Variants in NFIC observed in about 807,000 individuals in gnomAD.
NFIC encodes nuclear factor 1 C-type.
NFIC carries 12 observed loss-of-function variants against 54.4 expected under a neutral mutation model. That is an observed-to-expected ratio of 0.22 (90% CI 0.14 to 0.36). The LOEUF is 0.36. NFIC is among the 10% of genes least tolerant of loss of function. NFIC has a pLI of 1.00. For synonymous variants in NFIC, 322 were observed against 319.2 expected (o/e 1.01, Z -0.09); for missense variants, 575 against 718.2 (o/e 0.80, Z 2.28).
intron 2 of NFIC, among the ~76,000 whole-genome samples, chr19:3,423,379 T>G (rs1274126624): frequency 6.6e-6 from 1 of 152,112 alleles, no homozygotes; most frequent in Non-Finnish European, 1.5e-5. Flanking sequence ...CTCAGGACAG[T>G]TAGGCGACTT....
intron 3 of NFIC, among the ~76,000 whole-genome samples, chr19:3,429,913 C>CGG (rs1298053093): frequency 6.6e-6 from 1 of 152,188 alleles, no homozygotes; most frequent in Non-Finnish European, 1.5e-5. Context: ...CCAACAGTCA[C>CGG]GGGGCGGTTG....
chr19:3,405,598 T>A (rs9749590), intron 2 of NFIC, among the ~76,000 whole-genome samples: 17,411 of 151,942 alleles, frequency 0.11, 1,203 homozygotes, highest in African/African-American at 0.18. Context: ...TTAATTTATT[T>A]ATTTATTTAT....
At chr19:3,432,130 C>T (rs973068463) in intron 3 of NFIC, among the ~76,000 whole-genome samples, 6 of 152,174 alleles carry the variant, frequency 3.9e-5, no homozygotes, top group African/African-American at 1.4e-4. Context: ...GAGGGCAGGA[C>T]AGGGCTGTCC....
chr19:3,420,882 CCAGCTAATTTT>C (rs2081943967), intron 2 of NFIC, among the ~76,000 whole-genome samples: 1 of 152,094 alleles, frequency 6.6e-6, no homozygotes, highest in African/African-American at 2.4e-5. Flanking sequence ...ACCACCACGC[CCAGCTAATTTT>C]TGTATTTTTA....
intron 6 of NFIC, among the ~76,000 whole-genome samples, chr19:3,439,937 C>G (rs1777240790): frequency 6.6e-6 from 1 of 152,140 alleles, no homozygotes; most frequent in African/African-American, 2.4e-5. Context: ...ATCTGCCCGC[C>G]TCGGCCTCCC....
chr19:3,378,720 C>G (rs555228115), intron 1 of NFIC, among the ~76,000 whole-genome samples: 1 of 152,180 alleles, frequency 6.6e-6, no homozygotes, highest in African/African-American at 2.4e-5. Flanking sequence ...TCCCAGCCCT[C>G]GGATTTTCCA....
In NFIC at chr19:3,459,272, C is replaced by T. The variant is rs1010322426; in HGVS notation, c.1509+2637C>T. On this transcript the variant is annotated intron_variant, in intron 10 of 10. Coordinates refer to ENST00000443272, the MANE Select transcript of NFIC (RefSeq NM_001245002.2). This position sits in a 1 kb window ranked among gnomAD's most constrained non-coding sequence, Gnocchi z 4.2. ...CTCTCCCCCCATCAATATCCCTCCC[C>T]GTGATCTATGCTAATTGATCTCGCC... Among the ~76,000 whole-genome samples the T allele has an allele frequency of 5.9e-5, 9 of 151,426 alleles. No homozygotes were observed. The highest frequency in any genetic ancestry group is 1.3e-4 in the Non-Finnish European group (9 of 67,822).
rs56081730 is a variant in NFIC at position 3,370,696 on chromosome 19, G to GTCTC, written c.30+4032_30+4035dup. Among the ~76,000 whole-genome samples the GTCTC allele has an allele frequency of 0.81, 121,847 of 150,114 alleles. 49,456 individuals are homozygous for GTCTC. The highest frequency in any genetic ancestry group is 0.83 in the Admixed American group (12,554 of 15,094). The stretch of plus-strand genomic sequence containing the variant: ...CTGTTCCTCTTCTTTCTCTCTGTCT[G>GTCTC]TCTCTTTCTTTCTCCCTCCCTTCCT... On this transcript the variant is annotated intron_variant, in intron 1 of 10. Transcript: ENST00000443272. This position sits in a 1 kb window ranked among gnomAD's most constrained non-coding sequence, Gnocchi z 5.2.
intron 2 of NFIC, among the ~76,000 whole-genome samples, chr19:3,384,425 G>A (rs2081260963): frequency 1.3e-5 from 2 of 149,236 alleles, no homozygotes; most frequent in African/African-American, 5.0e-5. Context: ...GTTTCGCCCT[G>A]TTCCCCGGGC....
rs2082701341 is a variant in NFIC, at chr19:3,465,192, TA to T, written c.*2430del. On this transcript the variant is annotated 3_prime_UTR_variant, in exon 11 of 11. Coordinates refer to ENST00000443272, the MANE Select transcript of NFIC (RefSeq NM_001245002.2). ...AAAAAAAAGATACAAGAAAAACCTT[TA>T]AAAAAATTCCATGTTTCCTAATTTG... The T allele has an allele frequency of 7.1e-6, 1 of 140,516 alleles. No homozygotes were observed. Among genetic ancestry groups the T allele is most frequent in the Non-Finnish European group, 1.6e-5 (1 of 64,270 alleles). The allele number at this position is 140,516 out of a possible 1,614,324, so 8.7% of individuals were successfully genotyped here.
At chr19:3,427,742 G>A (rs779815919) in intron 3 of NFIC, among the ~76,000 whole-genome samples, 23 of 149,324 alleles carry the variant, frequency 1.5e-4, no homozygotes, top group Admixed American at 3.4e-4. Context: ...CAGGAGAATC[G>A]CTTGAACCCA....
In NFIC at chr19:3,467,758, C is replaced by CATATATATATATATATATAT. The variant is rs551667735; in HGVS notation, c.*5001_*5020dup. ...ACCTCCAGTGTAGGGCTATACTATACATATATATATATATATATATATATA... is the reference window on the plus strand; with the variant it reads ...ACCTCCAGTGTAGGGCTATACTATACATATATATATATATATATATATATATATATATATATATATATATA... On this transcript the variant is annotated 3_prime_UTR_variant, in exon 11 of 11. Transcript: ENST00000443272. 0.023 allele frequency: 1,558 copies of CATATATATATATATATATAT among 69,190 alleles called. 91 individuals are homozygous for CATATATATATATATATATAT. The highest frequency in any genetic ancestry group is 0.048 in the African/African-American group (509 of 10,502). 4.3% of individuals were successfully genotyped at this position (69,190 alleles called of 1,614,324 possible).
At chr19:3,455,958 C>T (rs887322842) in intron 9 of NFIC, among the ~76,000 whole-genome samples, 1 of 152,186 alleles carries the variant, frequency 6.6e-6, no homozygotes, top group Non-Finnish European at 1.5e-5. Context: ...AACTTGGGGA[C>T]CCTGCCTGTT....
chr19:3,435,916 T>C (rs1367634836), intron 6 of NFIC, among the ~76,000 whole-genome samples: 5 of 151,918 alleles, frequency 3.3e-5, no homozygotes, highest in Admixed American at 3.3e-4. Context: ...AGCCTCCACC[T>C]CCCTGGTTCA....
At chr19:3,407,744 A>G (rs1416853000) in intron 2 of NFIC, among the ~76,000 whole-genome samples, 2 of 152,148 alleles carry the variant, frequency 1.3e-5, no homozygotes, top group South Asian at 2.1e-4. Context: ...GAACTTTCAC[A>G]TATTTGTAGA....
chr19:3,417,753 G>A (rs1373357442), intron 2 of NFIC, among the ~76,000 whole-genome samples: 2 of 149,912 alleles, frequency 1.3e-5, no homozygotes, highest in Non-Finnish European at 3.0e-5. Flanking sequence ...AGCCTCCCGA[G>A]TAGCTGGGAC....
Position 3,370,963 on chromosome 19 carries a change from C to T in NFIC, c.30+4297C>T, listed in dbSNP as rs570357540. On this transcript the variant is annotated intron_variant, in intron 1 of 10. Coordinates refer to ENST00000443272, the MANE Select transcript of NFIC (RefSeq NM_001245002.2). The surrounding 1 kb of genome is among the most constrained non-coding windows in gnomAD (Gnocchi z 5.2). ...TCCATGAGCACACGCTGGGCGCACA[C>T]GCGTGCACACTCCCTGACACCCATA... is the stretch of plus-strand genomic sequence containing the variant. Among the ~76,000 whole-genome samples, 12 of 152,338 alleles carry T rather than the reference C, an allele frequency of 7.9e-5. No individual in the cohort carries two copies. Among genetic ancestry groups the T allele is most frequent in the Admixed American group, 3.9e-4 (6 of 15,300 alleles).
rs370443043 is a variant in NFIC at position 3,452,477 on chromosome 19, C to T, written c.1085-5C>T. On this transcript the variant is annotated splice_polypyrimidine_tract_variant and splice_region_variant and intron_variant, in intron 7 of 10. Transcript: ENST00000443272. The surrounding 1 kb of genome is among the most constrained non-coding windows in gnomAD (Gnocchi z 5.3). ...AGTAACCCCCGCTTCCCACTGTCTC[C>T]GCAGGGATCGCCCGGAGCCCACACC... 2.4e-5 allele frequency: 39 copies of T among 1,610,638 alleles called. No homozygotes were observed. Among genetic ancestry groups the T allele is most frequent in the African/African-American group, 9.4e-5 (7 of 74,848 alleles).
At chr19:3,448,956 G>A in intron 6 of NFIC, 58 bp from the exon 7 acceptor site, 2 of 1,566,476 alleles carry the variant, frequency 1.3e-6, no homozygotes, top group Non-Finnish European at 1.7e-6. Flanking sequence ...TTTGGGGAAG[G>A]TCCAGGGCTC....
Sources: allele counts gnomAD v4.1 joint callset (sites outside exome capture counted in the v4.1 genomes callset), GRCh38; gene constraint gnomAD v4.1.1; non-coding constraint Gnocchi (gnomAD v3.1); transcripts MANE v1.5; gene names NCBI Gene and HGNC (gene_info 2026-07-23, HGNC 2026-07-21).